Variants in ZFHX3 observed in about 807,000 individuals in gnomAD.
The protein encoded by ZFHX3 is zinc finger homeobox protein 3.
Under a neutral mutation model 279.1 loss-of-function variants are expected in ZFHX3, and 42 were observed. The observed-to-expected ratio is 0.15, with a 90% CI of 0.12 to 0.19. The LOEUF (loss-of-function observed/expected upper bound fraction) is 0.19. Ranked by LOEUF, ZFHX3 falls within the 10% of genes least tolerant of loss-of-function variation. The pLI is 1.00. For missense variants in ZFHX3, 4,981 were observed against 4,754.0 expected, an observed-to-expected ratio of 1.05 and a Z score of -1.40; for synonymous variants, 2,293 against 1,957.8, an observed-to-expected ratio of 1.17 and a Z score of -4.52.
chr16:73,377,889 C>A (rs139483498), intron 3 of ZFHX3, among the ~76,000 whole-genome samples: 1 of 151,124 alleles, frequency 6.6e-6, no homozygotes, highest in African/African-American at 2.4e-5. Flanking sequence ...AAAAATGAGC[C>A]GGGCGTGGTG....
chr16:73,647,661 A>C (rs1468009737), intron 2 of ZFHX3, among the ~76,000 whole-genome samples: 1 of 152,180 alleles, frequency 6.6e-6, no homozygotes, highest in Non-Finnish European at 1.5e-5. Context: ...CTATACATTA[A>C]AGTTATGAAA....
In ZFHX3 at chr16:72,787,405, G is replaced by A. The variant is rs746504791; in HGVS notation, c.10871C>T (p.Ala3624Val). The A allele has an allele frequency of 6.3e-7, 1 of 1,593,608 alleles. No homozygotes were observed. The highest frequency in any genetic ancestry group is 8.6e-7 in the Non-Finnish European group (1 of 1,167,974). ...RKSWPQVVSR[A>V]SAAKPPSFPP... ...AAAAGAAGGGGGCTTCGCTGCCGAA[G>A]CCCGGGAGACCACTTGCGGCCAAGA... is the stretch of plus-strand genomic sequence containing the variant. Residue 3624 changes from alanine (A) to valine (V), a missense_variant, in exon 10 of 10, where the codon GCT becomes GTT. This residue lies in a region of ZFHX3 where 1,034 missense variants were observed against 786.0 expected (regional missense o/e 1.32). Transcript: ENST00000268489.
At chr16:73,510,023 C>T (rs1382414567) in intron 2 of ZFHX3, among the ~76,000 whole-genome samples, 3 of 152,192 alleles carry the variant, frequency 2.0e-5, no homozygotes, top group Non-Finnish European at 2.9e-5. Flanking sequence ...TGCTCAGCAT[C>T]GTCCTTTAGG....
intron 5 of ZFHX3, among the ~76,000 whole-genome samples, chr16:73,226,569 G>A (rs1303670263): frequency 2.0e-5 from 3 of 152,242 alleles, no homozygotes; most frequent in Non-Finnish European, 2.9e-5. Flanking sequence ...CTCATGGGAT[G>A]TGAGCTCCCC....
Position 72,903,568 on chromosome 16 carries a change from G to A in ZFHX3, c.3217-13606C>T, listed in dbSNP as rs544539418. On this transcript the variant is annotated intron_variant, in intron 3 of 9. Coordinates refer to ENST00000268489, the MANE Select transcript of ZFHX3 (RefSeq NM_006885.4). ...GAAAACCGTATTCTTACTGAGGTTT[G>A]GCTCAGAGGAGGAACTATTATTCTA... 2.0e-5 allele frequency among the ~76,000 whole-genome samples: 3 copies of A among 152,174 alleles called. No homozygotes were observed. The South Asian group carries it at 6.3e-4, about 32-fold the overall frequency.
chr16:72,966,009 T>A (rs1961819809), intron 1 of ZFHX3, among the ~76,000 whole-genome samples: 1 of 152,206 alleles, frequency 6.6e-6, no homozygotes, highest in Admixed American at 6.5e-5. Context: ...TTTCTTTATA[T>A]CCAGGATGGC....
At chr16:72,799,903 C>T in intron 8 of ZFHX3, 124 bp downstream of exon 8, 1 of 821,592 alleles carries the variant, frequency 1.2e-6, no homozygotes, top group Non-Finnish European at 2.0e-6. Flanking sequence ...CAGTGCCCCT[C>T]ATCTCCTGAT....
intron 1 of ZFHX3, among the ~76,000 whole-genome samples, chr16:73,858,741 T>G (rs902823608): frequency 1.3e-5 from 2 of 152,246 alleles, no homozygotes; most frequent in Admixed American, 1.3e-4. Context: ...TGGAAGGTGA[T>G]CACAGTGCAG....
chr16:73,328,110 A>C (rs2015729872), intron 3 of ZFHX3, among the ~76,000 whole-genome samples: 1 of 152,116 alleles, frequency 6.6e-6, no homozygotes. Context: ...AGAGCAACTC[A>C]GGGTCTTTTA....
intron 1 of ZFHX3, among the ~76,000 whole-genome samples, chr16:73,027,269 A>G (rs1358464931): frequency 6.6e-6 from 1 of 152,188 alleles, no homozygotes; most frequent in Admixed American, 6.5e-5. Flanking sequence ...AGACTTCTCA[A>G]TATCTACTAA....
intron 5 of ZFHX3, among the ~76,000 whole-genome samples, chr16:73,170,155 C>G (rs1198355911): frequency 6.8e-6 from 1 of 147,510 alleles, no homozygotes; most frequent in Non-Finnish European, 1.5e-5. Context: ...AAAGTGCAGA[C>G]AGTCCATAAA....
chr16:73,579,029 T>C (rs1455013128), intron 2 of ZFHX3, among the ~76,000 whole-genome samples: 1 of 152,202 alleles, frequency 6.6e-6, no homozygotes, highest in Non-Finnish European at 1.5e-5. Context: ...TGGAACAGAC[T>C]CTTTATGTCT....
intron 2 of ZFHX3, among the ~76,000 whole-genome samples, chr16:73,471,224 C>G (rs1201832797): frequency 1.3e-5 from 2 of 152,140 alleles, no homozygotes; most frequent in Non-Finnish European, 2.9e-5. Context: ...AGCTTTTGCT[C>G]TTGGGCTGTT....
intron 1 of ZFHX3, among the ~76,000 whole-genome samples, chr16:72,966,007 T>A (rs1339608896): frequency 1.3e-5 from 2 of 152,226 alleles, no homozygotes; most frequent in African/African-American, 4.8e-5. Flanking sequence ...CATTTCTTTA[T>A]ATCCAGGATG....
At position 73,433,804 on chromosome 16, in the gene ZFHX3, A is replaced by G. The variant is rs117452407; in HGVS notation, c.-1291+22199T>C. On this transcript the variant is annotated intron_variant, in intron 3 of 17. Transcript: ENST00000641206. ...AGAGCTGAGCCCACTCTGCGGCTGC[A>G]CGGTGCCTACTGGGTGAGCCGTGGC... Among the ~76,000 whole-genome samples, 6 of 152,330 alleles carry G rather than the reference A, an allele frequency of 3.9e-5. No homozygotes were observed. In the East Asian group the frequency reaches 1.2e-3, roughly 29 times the overall value.
intron 2 of ZFHX3, among the ~76,000 whole-genome samples, chr16:73,650,925 T>C (rs1162423040): frequency 1.3e-5 from 2 of 151,758 alleles, no homozygotes; most frequent in African/African-American, 4.8e-5. Context: ...GGAAGAAAAA[T>C]AGAAAAAGAC....
intron 3 of ZFHX3, among the ~76,000 whole-genome samples, chr16:72,900,894 T>C (rs1443761023): frequency 1.3e-5 from 2 of 152,210 alleles, no homozygotes; most frequent in South Asian, 2.1e-4. Flanking sequence ...AGATGTTCTG[T>C]TGCAGGGAGG....
chr16:73,751,079 C>T (rs1259983232), intron 1 of ZFHX3, among the ~76,000 whole-genome samples: 4 of 152,164 alleles, frequency 2.6e-5, no homozygotes. Flanking sequence ...TGTGGTGACT[C>T]TGTTGTGGGG....
chr16:73,495,416 AAT>A (rs367845228), intron 2 of ZFHX3, among the ~76,000 whole-genome samples: 8 of 152,214 alleles, frequency 5.3e-5, no homozygotes, highest in African/African-American at 1.9e-4. Flanking sequence ...GTGCACATGA[AAT>A]AGACTAAAAT....
Sources: gnomAD v4.1 joint callset for allele counts (sites outside exome capture counted in the v4.1 genomes callset) on GRCh38, gnomAD v4.1.1 for gene constraint, gnomAD v4.1.1 regional missense constraint, MANE v1.5 for transcripts, NCBI Gene and HGNC (gene_info 2026-07-23, HGNC 2026-07-21) for gene names.